The following CNGA1 variants were observed in gnomAD, a reference collection of about 807,000 sequenced individuals.
CNGA1 encodes cyclic nucleotide-gated channel alpha-1.
In CNGA1, 53 loss-of-function variants were observed where a neutral mutation model predicts 69.7. That is an observed-to-expected ratio of 0.76 (90% CI 0.61 to 0.96). The LOEUF (loss-of-function observed/expected upper bound fraction) is 0.96, where lower values mean the gene tolerates loss of function less well. CNGA1 is among the 40% of genes least tolerant of loss of function. The pLI is 0.00. For missense variants in CNGA1, 739 were observed against 811.2 expected, an observed-to-expected ratio of 0.91 and a Z score of 1.08; for synonymous variants, 249 against 283.5, an observed-to-expected ratio of 0.88 and a Z score of 1.22.
chr4:48,011,535 C>T (rs1383943566), intron 1 of CNGA1, among the ~76,000 whole-genome samples: 2 of 152,080 alleles, frequency 1.3e-5, no homozygotes, highest in African/African-American at 2.4e-5. Context: ...AAGAGTTGAA[C>T]TCTAAAATAT....
At chr4:47,964,559 C>A (rs1740623687) in intron 3 of CNGA1, among the ~76,000 whole-genome samples, 1 of 151,938 alleles carries the variant, frequency 6.6e-6, no homozygotes. Flanking sequence ...TCTTTTTAAT[C>A]TACCTCAAAT....
chr4:47,969,527 T>C (rs1223052157), intron 3 of CNGA1, among the ~76,000 whole-genome samples: 1 of 152,158 alleles, frequency 6.6e-6, no homozygotes, highest in Non-Finnish European at 1.5e-5. Flanking sequence ...TGGAGTTCAG[T>C]GGCACAATCT....
intron 2 of CNGA1, among the ~76,000 whole-genome samples, chr4:48,001,348 A>G (rs1425357056): frequency 6.6e-6 from 1 of 152,138 alleles, no homozygotes; most frequent in Admixed American, 6.5e-5. Context: ...ATGCACCTGT[A>G]ATCCCAGCTA....
intron 3 of CNGA1, among the ~76,000 whole-genome samples, chr4:47,955,634 C>A (rs141522891): frequency 6.6e-6 from 1 of 152,194 alleles, no homozygotes; most frequent in East Asian, 1.9e-4. Flanking sequence ...TTCAAAAGTC[C>A]ACTTCTCTTG....
At chr4:47,963,235 G>T (rs569177495) in intron 3 of CNGA1, among the ~76,000 whole-genome samples, 1 of 152,368 alleles carries the variant, frequency 6.6e-6, no homozygotes, top group South Asian at 2.1e-4. Flanking sequence ...ACAGGCGTGG[G>T]CCATCACGCC....
intron 3 of CNGA1, among the ~76,000 whole-genome samples, chr4:47,956,030 CCTT>C (rs1740065606): frequency 6.6e-6 from 1 of 152,212 alleles, no homozygotes; most frequent in Admixed American, 6.5e-5. Context: ...ATTCTTCTCT[CCTT>C]CTAGTGTGCT....
At chr4:47,939,942 G>A (rs1382765423) in intron 10 of CNGA1, among the ~76,000 whole-genome samples, 4 of 152,090 alleles carry the variant, frequency 2.6e-5, no homozygotes, top group Non-Finnish European at 5.9e-5. Flanking sequence ...GCATATTCTT[G>A]CCTTACCCCT....
At chr4:47,989,365 G>A (rs1391634184) in intron 2 of CNGA1, among the ~76,000 whole-genome samples, 1 of 152,096 alleles carries the variant, frequency 6.6e-6, no homozygotes, top group African/African-American at 2.4e-5. Flanking sequence ...AATTTTATAT[G>A]AAATCTGTCC....
At chr4:47,994,455 G>A (rs190871789) in intron 2 of CNGA1, among the ~76,000 whole-genome samples, 1 of 152,096 alleles carries the variant, frequency 6.6e-6, no homozygotes, top group Non-Finnish European at 1.5e-5. Flanking sequence ...TTTAACTGCT[G>A]TTGCTTTAAA....
intron 1 of CNGA1, among the ~76,000 whole-genome samples, chr4:48,013,937 A>T (rs961408382): frequency 6.6e-6 from 1 of 152,294 alleles, no homozygotes; most frequent in East Asian, 1.9e-4. Flanking sequence ...TTGACACACC[A>T]GGAACCCTCC....
intron 2 of CNGA1, among the ~76,000 whole-genome samples, chr4:47,984,702 A>G (rs1741911002): frequency 6.6e-6 from 1 of 150,874 alleles, no homozygotes; most frequent in Non-Finnish European, 1.5e-5. Context: ...ACATATATAT[A>G]TAATATATAT....
At chr4:47,965,124 A>G (rs965255671) in intron 3 of CNGA1, among the ~76,000 whole-genome samples, 9 of 152,182 alleles carry the variant, frequency 5.9e-5, no homozygotes, top group Non-Finnish European at 1.2e-4. Context: ...TAATGTTGAT[A>G]TTCTGTTATA....
chr4:47,990,447 A>T (rs537910017), intron 2 of CNGA1, among the ~76,000 whole-genome samples: 4 of 152,058 alleles, frequency 2.6e-5, no homozygotes, highest in African/African-American at 4.8e-5. Context: ...AGCCTGGTAA[A>T]TTCTAGTCAG....
chr4:48,003,421 G>T (rs1225763249), intron 2 of CNGA1, among the ~76,000 whole-genome samples: 1 of 152,104 alleles, frequency 6.6e-6, no homozygotes, highest in Non-Finnish European at 1.5e-5. Flanking sequence ...AGTGACTTAG[G>T]AGCCCCAAGA....
intron 10 of CNGA1, among the ~76,000 whole-genome samples, chr4:47,940,218 T>TTA (rs1161926962): frequency 6.6e-6 from 1 of 152,232 alleles, no homozygotes; most frequent in Non-Finnish European, 1.5e-5. Context: ...TCTTAAAAGG[T>TTA]TATAGTCTGT....
At chr4:47,952,259 C>G (rs940065481) in intron 4 of CNGA1, among the ~76,000 whole-genome samples, 4 of 151,808 alleles carry the variant, frequency 2.6e-5, no homozygotes, top group East Asian at 1.9e-4. Flanking sequence ...TCCCAGCTAC[C>G]TGGGAGGCTG....
At position 47,937,572 on chromosome 4, in the gene CNGA1, C is replaced by T. The variant is rs756398915; in HGVS notation, c.910G>A (p.Val304Ile). ...FRISNLVMYI[V>I]IIIHWNACVF... The stretch of plus-strand genomic sequence containing the variant: ...CATGCATTCCAGTGGATAATGATGA[C>T]GATATACATAACAAGGTTGGAAATC... Residue 304 changes from valine (V) to isoleucine (I), a missense_variant, in exon 11 of 11, where the codon GTC becomes ATC. Val to Ile is a conservative substitution (Grantham distance 29). Coordinates refer to ENST00000514170, the MANE Select transcript of CNGA1 (RefSeq NM_001379270.1). The T allele has an allele frequency of 2.0e-5, 32 of 1,614,056 alleles. No individual in the cohort carries two copies. Among genetic ancestry groups the T allele is most frequent in the South Asian group, 4.4e-5 (4 of 91,084 alleles).
chr4:47,980,110 T>A (rs1177754062), intron 3 of CNGA1, among the ~76,000 whole-genome samples: 20 of 152,204 alleles, frequency 1.3e-4, no homozygotes, highest in Non-Finnish European at 1.5e-5. Context: ...CCTTTTAATT[T>A]CATTGACACC....
intron 3 of CNGA1, among the ~76,000 whole-genome samples, chr4:47,967,323 A>C (rs1432857028): frequency 1.3e-5 from 2 of 151,206 alleles, no homozygotes; most frequent in African/African-American, 4.9e-5. Flanking sequence ...AAAACAAAAC[A>C]AAAAAAAAGA....
Sources: allele counts gnomAD v4.1 joint callset (sites outside exome capture counted in the v4.1 genomes callset), GRCh38; gene constraint gnomAD v4.1.1; transcripts MANE v1.5; gene names NCBI Gene and HGNC (gene_info 2026-07-23, HGNC 2026-07-21).